COQ5: variants seen among roughly 807,000 people sequenced by gnomAD.
COQ5 encodes 2-methoxy-6-polyprenyl-1,4-benzoquinol methylase, mitochondrial.
Under a neutral mutation model 40.5 loss-of-function variants are expected in COQ5, and 27 were observed. The observed-to-expected ratio is 0.67, with a 90% CI of 0.49 to 0.92. The LOEUF (loss-of-function observed/expected upper bound fraction) is 0.92. Ranked by LOEUF, COQ5 falls within the 40% of genes least tolerant of loss-of-function variation. The pLI is 0.00. For synonymous variants in COQ5, 141 were observed against 150.0 expected (o/e 0.94, Z 0.44); for missense variants, 409 against 406.4 (o/e 1.01, Z -0.06).
At chr12:120,513,649 A>C (rs1565930763) in intron 3 of COQ5, among the ~76,000 whole-genome samples, 2 of 150,086 alleles carry the variant, frequency 1.3e-5, no homozygotes, top group Non-Finnish European at 3.0e-5. Flanking sequence ...CCTCCTGAGT[A>C]GCTGGGATTA....
chr12:120,507,822 G>T (rs1341227002), intron 4 of COQ5, among the ~76,000 whole-genome samples: 1 of 148,370 alleles, frequency 6.7e-6, no homozygotes, highest in Non-Finnish European at 1.5e-5. Context: ...AGGAGGCGGA[G>T]GTTTCAGTGA....
chr12:120,522,295 G>A lies in COQ5; in HGVS notation c.271C>T (p.His91Tyr). 1 of 1,613,862 alleles carries A rather than the reference G, an allele frequency of 6.2e-7. No homozygotes were observed. The highest frequency in any genetic ancestry group is 8.5e-7 in the Non-Finnish European group (1 of 1,179,798). ...AGCAGCAAATCCTTCCAAACACGAT[G>A]GATACCAAGACTCATCATATCATTC... ...VMNDMMSLGIHRVWKDLLLWK... is the reference protein window; with the variant it reads ...VMNDMMSLGIYRVWKDLLLWK... The change falls in exon 2 of 7, where the codon CAT becomes TAT. Residue 91 changes from histidine (H) to tyrosine (Y), a missense_variant. Transcript: ENST00000288532.
rs778859227 is a variant in COQ5 at position 120,529,040 on chromosome 12, G to A, written c.102C>T (p.Pro34=). The part of the protein sequence containing the change: ...CQLLGLRSSW[P]GDLLSARLLS... Reference sequence around the variant, plus strand: ...AGAGCCGAGCACTTAGTAGGTCCCCGGGCCAAGAGCTACGAAGCCCGAGGA... The same window carrying A: ...AGAGCCGAGCACTTAGTAGGTCCCCAGGCCAAGAGCTACGAAGCCCGAGGA... The change falls in exon 1 of 7, where the codon CCC becomes CCT. Residue 34 remains proline, a synonymous_variant. Transcript: ENST00000288532. 3 of 1,614,096 alleles carry A rather than the reference G, an allele frequency of 1.9e-6. No individual in the cohort carries two copies. The highest frequency in any genetic ancestry group is 2.5e-6 in the Non-Finnish European group (3 of 1,180,014).
intron 4 of COQ5, among the ~76,000 whole-genome samples, chr12:120,506,097 C>A (rs930922719): frequency 1.3e-5 from 2 of 151,378 alleles, no homozygotes; most frequent in Non-Finnish European, 2.9e-5. Context: ...TGAAGTGATC[C>A]ACTCGTCTCG....
At chr12:120,505,556 T>A (rs112190670) in intron 4 of COQ5, among the ~76,000 whole-genome samples, 4,380 of 151,862 alleles carry the variant, frequency 0.029, 221 homozygotes, top group African/African-American at 0.1. Context: ...CCCGCTAATT[T>A]TTTGTTTGTT....
chr12:120,519,346 G>C (rs760808672), intron 2 of COQ5, among the ~76,000 whole-genome samples: 1 of 152,044 alleles, frequency 6.6e-6, no homozygotes, highest in Non-Finnish European at 1.5e-5. Context: ...ATCACCTTAG[G>C]TCAGGAATTT....
intron 3 of COQ5, 63 bp downstream of exon 3, chr12:120,516,504 T>G: frequency 7.7e-7 from 1 of 1,303,908 alleles, no homozygotes; most frequent in Non-Finnish European, 1.1e-6. Flanking sequence ...ATATTTTACA[T>G]ATTCCACCTT....
At chr12:120,505,479 C>T (rs1868840163) in intron 4 of COQ5, among the ~76,000 whole-genome samples, 1 of 151,918 alleles carries the variant, frequency 6.6e-6, no homozygotes, top group African/African-American at 2.4e-5. Flanking sequence ...CCGCTGCCTC[C>T]CAGGTTCAAG....
intron 4 of COQ5, among the ~76,000 whole-genome samples, chr12:120,506,155 G>A (rs1236264180): frequency 1.3e-5 from 2 of 151,778 alleles, no homozygotes; most frequent in Admixed American, 6.6e-5. Context: ...ATGCCTGGCC[G>A]GTTATTCACT....
intron 3 of COQ5, among the ~76,000 whole-genome samples, chr12:120,512,256 A>C (rs1455829501): frequency 1.3e-5 from 2 of 151,906 alleles, no homozygotes; most frequent in Non-Finnish European, 2.9e-5. Flanking sequence ...ATTTCAAGGA[A>C]TTTCTAATGA....
chr12:120,518,060 G>A (rs1359024514), intron 2 of COQ5, among the ~76,000 whole-genome samples: 1 of 152,038 alleles, frequency 6.6e-6, no homozygotes, highest in East Asian at 1.9e-4. Context: ...ACTCGCCTCG[G>A]CCTCCCAAAG....
At chr12:120,506,929 G>T (rs1024077370) in intron 4 of COQ5, among the ~76,000 whole-genome samples, 1 of 152,040 alleles carries the variant, frequency 6.6e-6, no homozygotes. Flanking sequence ...CACCTCCCGG[G>T]TTCAAGCAAT....
At chr12:120,505,898 C>T (rs1461866843) in intron 4 of COQ5, among the ~76,000 whole-genome samples, 1 of 151,386 alleles carries the variant, frequency 6.6e-6, no homozygotes, top group Non-Finnish European at 1.5e-5. Context: ...TCTTGTTGCC[C>T]AGGCTAGAGT....
At chr12:120,517,516 C>CAAA (rs34585711) in intron 2 of COQ5, among the ~76,000 whole-genome samples, 1 of 127,688 alleles carries the variant, frequency 7.8e-6, no homozygotes, top group Non-Finnish European at 1.7e-5. Context: ...TAAAAAAATA[C>CAAA]AAAAAAAAAA....
intron 1 of COQ5, 43 bp downstream of exon 1, chr12:120,528,897 T>C (rs758933930): frequency 2.6e-6 from 4 of 1,564,070 alleles, no homozygotes; most frequent in South Asian, 1.1e-5. Flanking sequence ...AACCAGACCA[T>C]GGACGGTCAG....
In COQ5 at chr12:120,518,147, G is replaced by A. The variant is rs1041283123; in HGVS notation, c.353-1359C>T. On this transcript the variant is annotated intron_variant, in intron 2 of 6. Transcript: ENST00000288532. ...TATAATGCTGTTTCCGGCTGGGCTC[G>A]GTGGCTCACGCCTGTGATCCCAGCA... Among the ~76,000 whole-genome samples, 10 of 152,150 alleles carry A rather than the reference G, an allele frequency of 6.6e-5. No individual in the cohort carries two copies. The South Asian group carries it at 1.0e-3, about 16-fold the overall frequency.
intron 1 of COQ5, chr12:120,522,630 CT>C: frequency 1.5e-6 from 1 of 652,304 alleles, no homozygotes; most frequent in African/African-American, 1.8e-5. Context: ...CACACCAGTC[CT>C]TCTGTCCTCA....
At chr12:120,521,430 C>A (rs1381280585) in intron 2 of COQ5, among the ~76,000 whole-genome samples, 1 of 152,032 alleles carries the variant, frequency 6.6e-6, no homozygotes, top group African/African-American at 2.4e-5. Flanking sequence ...GTAATCCCAG[C>A]ACCTTGGGAG....
In COQ5 at chr12:120,529,029, A is replaced by G; in HGVS notation, c.113T>C (p.Leu38Pro). ...GLRSSWPGDL[L>P]SARLLSQEKR... ...CTCTTGGGACAAGAGCCGAGCACTT[A>G]GTAGGTCCCCGGGCCAAGAGCTACG... Residue 38 changes from leucine (L) to proline (P), a missense_variant, in exon 1 of 7, where the codon CTA becomes CCA. By Grantham distance (98) the Leu-to-Pro change is moderately conservative. Transcript: ENST00000288532. 1 of 1,614,032 alleles carries G rather than the reference A, an allele frequency of 6.2e-7. No individual in the cohort carries two copies. The highest frequency in any genetic ancestry group is 8.5e-7 in the Non-Finnish European group (1 of 1,180,010).
Sources: allele counts gnomAD v4.1 joint callset (sites outside exome capture counted in the v4.1 genomes callset), GRCh38; gene constraint gnomAD v4.1.1; transcripts MANE v1.5; gene names NCBI Gene and HGNC (gene_info 2026-07-23, HGNC 2026-07-21).